Variants in STK35 observed in about 807,000 individuals in gnomAD.
STK35 encodes serine/threonine-protein kinase 35.
A neutral mutation model predicts 37.3 loss-of-function variants in STK35; 17 were observed. The ratio of observed to expected loss-of-function variants is 0.46; its 90% CI spans 0.31 to 0.68. The LOEUF is 0.68. Among genes scored for constraint, STK35 ranks in the 30% least tolerant of loss-of-function variants. The pLI is 0.05. For synonymous variants in STK35, 385 were observed against 319.1 expected (o/e 1.21, Z -2.20); for missense variants, 595 against 746.7 (o/e 0.80, Z 2.37).
intron 2 of STK35, among the ~76,000 whole-genome samples, chr20:2,116,435 C>T (rs1035632428): frequency 2.6e-5 from 4 of 152,174 alleles, no homozygotes; most frequent in Admixed American, 6.5e-5. Context: ...GTCAACCAGA[C>T]GGCAGTAAAC....
chr20:2,142,542 G>A (rs1986189381), intron 3 of STK35, among the ~76,000 whole-genome samples: 1 of 152,190 alleles, frequency 6.6e-6, no homozygotes, highest in Non-Finnish European at 1.5e-5. Flanking sequence ...GATCACTTGA[G>A]CCCAGGAGTT....
rs1179204554 is a variant in STK35, at chr20:2,146,397, A to G, written c.*2651A>G. ...CTGGTGCATCGTCTCAACACCACCA[A>G]GTTTGTAGGACCTGCCCAAGTTCTA... On this transcript the variant is annotated 3_prime_UTR_variant, in exon 4 of 4. Transcript: ENST00000381482. The G allele has an allele frequency of 6.5e-6, 1 of 152,870 alleles. No individual in the cohort carries two copies. The highest frequency in any genetic ancestry group is 1.5e-5 in the Non-Finnish European group (1 of 68,248). The allele number at this position is 152,870 out of a possible 1,614,324, so 9.5% of individuals were successfully genotyped here. A position where few individuals can be genotyped will look rare whatever the true frequency, so the allele number is the denominator to read the frequency against.
chr20:2,112,582 C>G (rs968321909), intron 2 of STK35, among the ~76,000 whole-genome samples: 2 of 152,164 alleles, frequency 1.3e-5, no homozygotes, highest in African/African-American at 4.8e-5. Context: ...CTCTCCTATC[C>G]CCCCCAGTTA....
At chr20:2,122,662 T>C (rs1000508655) in intron 3 of STK35, among the ~76,000 whole-genome samples, 2 of 152,184 alleles carry the variant, frequency 1.3e-5, no homozygotes, top group Admixed American at 6.5e-5. Context: ...ATATATCTTA[T>C]TGAGGTTGTT....
In STK35 at chr20:2,102,824, AG is replaced by A. The variant is rs761062631; in HGVS notation, c.358del (p.Ala120ProfsTer45). On this transcript the variant is annotated frameshift_variant, in exon 2 of 4. Coordinates refer to ENST00000381482, the MANE Select transcript of STK35 (RefSeq NM_080836.4). LOFTEE classifies it high-confidence loss of function. Reference protein sequence around the residue: ...RPRAGRRDEAGGARAAPLLLP... With the variant: ...RPRAGRRDEAXGARAAPLLLP... ...CCAGGGCCGGACGGAGGGATGAGGC[AG>A]GGGGGGCCCGGGCAGCGCCGTTGCT... The A allele has an allele frequency of 2.8e-5, 43 of 1,525,874 alleles. No individual in the cohort carries two copies. Among genetic ancestry groups the A allele is most frequent in the East Asian group, 1.8e-4 (7 of 38,956 alleles). 94.5% of individuals were successfully genotyped at this position (1,525,874 alleles called of 1,614,324 possible).
intron 2 of STK35, among the ~76,000 whole-genome samples, chr20:2,114,524 G>A (rs1364494420): frequency 6.6e-6 from 1 of 152,112 alleles, no homozygotes; most frequent in Non-Finnish European, 1.5e-5. Flanking sequence ...CTGTTACTGG[G>A]TGTGATTCTG....
chr20:2,116,373 G>T (rs1286835309), intron 2 of STK35, among the ~76,000 whole-genome samples: 2 of 152,094 alleles, frequency 1.3e-5, no homozygotes, highest in Non-Finnish European at 2.9e-5. Context: ...AGGTGTGGGT[G>T]GTATGGCACT....
At chr20:2,105,374 A>T (rs1233062151) in intron 2 of STK35, among the ~76,000 whole-genome samples, 2 of 152,184 alleles carry the variant, frequency 1.3e-5, no homozygotes, top group Non-Finnish European at 2.9e-5. Flanking sequence ...CATTGACGCC[A>T]GTCTCGAACC....
At position 2,147,626 on chromosome 20, in the gene STK35, C is replaced by T. The variant is rs547442550; in HGVS notation, c.*3880C>T. On this transcript the variant is annotated 3_prime_UTR_variant, in exon 4 of 4. Transcript: ENST00000381482. ...CAGCCCTGCCCACCAAGTGCAGCTC[C>T]CACTTTCCATCCTGCCCATACGCCC... The T allele has an allele frequency of 6.6e-6, 1 of 152,666 alleles. No individual in the cohort carries two copies. Among genetic ancestry groups the T allele is most frequent in the East Asian group, 1.9e-4 (1 of 5,168 alleles). The allele number at this position is 152,666 out of a possible 1,614,324, so 9.5% of individuals were successfully genotyped here.
intron 3 of STK35, among the ~76,000 whole-genome samples, chr20:2,129,356 T>G (rs1037420993): frequency 2.0e-5 from 3 of 152,004 alleles, no homozygotes; most frequent in Admixed American, 6.5e-5. Context: ...AGAACGGGAA[T>G]GAAAAGCTGG....
chr20:2,116,257 G>A (rs1179637531), intron 2 of STK35, among the ~76,000 whole-genome samples: 1 of 152,108 alleles, frequency 6.6e-6, no homozygotes. Context: ...AAAAAGAGAG[G>A]GAAGGTCATT....
chr20:2,146,832 T>A lies in STK35; in HGVS notation c.*3086T>A, dbSNP rs971609567. 3.3e-5 allele frequency: 5 copies of A among 152,508 alleles called. No homozygotes were observed. The highest frequency in any genetic ancestry group is 9.6e-5 in the African/African-American group (4 of 41,564). The allele number at this position is 152,508 out of a possible 1,614,324, so 9.4% of individuals were successfully genotyped here. On this transcript the variant is annotated 3_prime_UTR_variant, in exon 4 of 4. Transcript: ENST00000381482. Reference sequence around the variant, plus strand: ...AACTGTGCTTTGGACAGGTGCACACTCTCTGCCTCTTACCTCTAGCCAGGA... The same window carrying A: ...AACTGTGCTTTGGACAGGTGCACACACTCTGCCTCTTACCTCTAGCCAGGA...
chr20:2,144,019 G>A lies in STK35; in HGVS notation c.*273G>A. ...AACCATTGAGACTTCAGAAGAGCAG[G>A]ACACAATGCTGTGGACAGGCACCAA... On this transcript the variant is annotated 3_prime_UTR_variant, in exon 4 of 4. Transcript: ENST00000381482. 2.6e-6 allele frequency: 1 copy of A among 387,184 alleles called. No individual in the cohort carries two copies. The highest frequency in any genetic ancestry group is 4.9e-6 in the Non-Finnish European group (1 of 202,964). 24.0% of individuals were successfully genotyped at this position (387,184 alleles called of 1,614,324 possible).
intron 3 of STK35, among the ~76,000 whole-genome samples, chr20:2,131,170 A>G (rs1388661965): frequency 1.3e-5 from 2 of 152,236 alleles, no homozygotes; most frequent in Non-Finnish European, 1.5e-5. Context: ...CACCTAGGTT[A>G]TATGGTAGAT....
At chr20:2,135,679 A>C (rs942953982) in intron 3 of STK35, among the ~76,000 whole-genome samples, 1 of 152,224 alleles carries the variant, frequency 6.6e-6, no homozygotes, top group East Asian at 1.9e-4. Context: ...CTTGGCCAAC[A>C]TGGCGAAACC....
chr20:2,107,424 G>C (rs6081974), intron 2 of STK35, among the ~76,000 whole-genome samples: 1 of 152,038 alleles, frequency 6.6e-6, no homozygotes, highest in Non-Finnish European at 1.5e-5. Context: ...GCTGGGAACC[G>C]AGGCCTTGGA....
Position 2,132,958 on chromosome 20 carries a change from T to A in STK35, c.*38-10826T>A, listed in dbSNP as rs1262575049. ...ATGACAGTTGAGTCAGTGGTGGCTC[T>A]GTGTATTGCCCCCATCCTGCTATTT... On this transcript the variant is annotated intron_variant, in intron 3 of 3. Transcript: ENST00000381482. 2.6e-5 allele frequency among the ~76,000 whole-genome samples: 4 copies of A among 152,234 alleles called. 1 individual carries two copies. Among genetic ancestry groups the A allele is most frequent in the Non-Finnish European group, 5.9e-5 (4 of 68,040 alleles).
At position 2,117,829 on chromosome 20, in the gene STK35, T is replaced by C. The variant is rs1985744590; in HGVS notation, c.*37+414T>C. On this transcript the variant is annotated intron_variant, in intron 3 of 3. Transcript: ENST00000381482. The surrounding 1 kb of genome is among the most constrained non-coding windows in gnomAD (Gnocchi z 4.4). ...TGGGCCCTGTGAACTTGCAGGGGAATACAAAGTTGAAGAAAATGAAGTGCT... is the reference window on the plus strand; with the variant it reads ...TGGGCCCTGTGAACTTGCAGGGGAACACAAAGTTGAAGAAAATGAAGTGCT... 6.6e-6 allele frequency among the ~76,000 whole-genome samples: 1 copy of C among 152,204 alleles called. No homozygotes were observed. The highest frequency in any genetic ancestry group is 1.5e-5 in the Non-Finnish European group (1 of 68,036).
chr20:2,131,766 G>T (rs995969578), intron 3 of STK35, among the ~76,000 whole-genome samples: 3 of 150,632 alleles, frequency 2.0e-5, no homozygotes, highest in African/African-American at 7.3e-5. Context: ...ACCCAGGCTG[G>T]AGTGCAGTGG....
Sources: allele counts gnomAD v4.1 joint callset (sites outside exome capture counted in the v4.1 genomes callset), GRCh38; gene constraint gnomAD v4.1.1; non-coding constraint Gnocchi (gnomAD v3.1); transcripts MANE v1.5; gene names NCBI Gene and HGNC (gene_info 2026-07-23, HGNC 2026-07-21).